LIPA: variants seen among roughly 807,000 people sequenced by gnomAD.
LIPA encodes lipase A, lysosomal acid type, also known as lysosomal acid lipase/cholesteryl ester hydrolase.
A neutral mutation model predicts 40.6 loss-of-function variants in LIPA; 26 were observed. The ratio of observed to expected loss-of-function variants is 0.64; its 90% CI spans 0.47 to 0.89. LIPA has a LOEUF of 0.89. Ranked by LOEUF, LIPA falls within the 40% of genes least tolerant of loss-of-function variation. The probability of loss-of-function intolerance (pLI) is 0.00; values close to 1 mark genes in which losing one functional copy is unlikely to be tolerated. For synonymous variants in LIPA, 188 were observed against 168.4 expected, an observed-to-expected ratio of 1.12 and a Z score of -0.90; for missense variants, 455 against 479.6, an observed-to-expected ratio of 0.95 and a Z score of 0.48.
intron 8 of LIPA, among the ~76,000 whole-genome samples, chr10:89,216,456 A>T (rs1297245606): frequency 6.6e-6 from 1 of 151,154 alleles, no homozygotes; most frequent in African/African-American, 2.4e-5. Flanking sequence ...ATGGATATAT[A>T]TAGATAAAAT....
At chr10:89,328,868 C>T (rs978858250) in intron 1 of LIPA, among the ~76,000 whole-genome samples, 1 of 152,046 alleles carries the variant, frequency 6.6e-6, no homozygotes, top group Non-Finnish European at 1.5e-5. Context: ...TAGGAAGGCT[C>T]CCAAAAGAAT....
At position 89,247,764 on chromosome 10, in the gene LIPA, G is replaced by A. The variant is rs531559903; in HGVS notation, c.-1-115C>T. On this transcript the variant is annotated intron_variant, in intron 1 of 9. Transcript: ENST00000336233. ...ACCAGATTTAGGGCAAGTAAAAGGT[G>A]AAAGGAAAATATGAAACAAATGACT... The A allele has an allele frequency of 1.3e-3, 921 of 719,856 alleles. 19 individuals are homozygous for A. In the South Asian group the frequency reaches 0.014, roughly 11 times the overall value. 44.6% of individuals were successfully genotyped at this position (719,856 alleles called of 1,614,324 possible).
At chr10:89,290,785 C>T (rs1383691220) in intron 1 of LIPA, among the ~76,000 whole-genome samples, 1 of 152,232 alleles carries the variant, frequency 6.6e-6, no homozygotes. Context: ...CCGGCCCTAT[C>T]TCCCTTCACT....
chr10:89,364,175 C>T (rs1445672306), intron 2 of LIPA, among the ~76,000 whole-genome samples: 1 of 152,202 alleles, frequency 6.6e-6, no homozygotes, highest in Non-Finnish European at 1.5e-5. Flanking sequence ...TAATGAACAC[C>T]TATCCACGTG....
At chr10:89,348,216 A>T (rs72814792) in intron 2 of LIPA, among the ~76,000 whole-genome samples, 3 of 152,222 alleles carry the variant, frequency 2.0e-5, no homozygotes, top group Non-Finnish European at 2.9e-5. Flanking sequence ...TCCGTCAGAC[A>T]GAAGGGAAAT....
chr10:89,296,134 A>G (rs886741128), intron 1 of LIPA, among the ~76,000 whole-genome samples: 1 of 152,178 alleles, frequency 6.6e-6, no homozygotes, highest in African/African-American at 2.4e-5. Context: ...CAGCATTTCC[A>G]CTTTCCTATT....
chr10:89,228,248 C>T lies in LIPA; in HGVS notation c.380G>A (p.Arg127Gln), dbSNP rs544080483. ...AGAAACTGAGAGTGTCTTATGTTTC[C>T]GAGACCAGGTATTTCCTCTGCTGTT... ...MGNSRGNTWSRKHKTLSVSQD... is the reference protein window; with the variant it reads ...MGNSRGNTWSQKHKTLSVSQD... The change falls in exon 4 of 10, where the codon CGG becomes CAG. Residue 127 changes from arginine to glutamine, a missense_variant. Coordinates refer to ENST00000336233, the MANE Select transcript of LIPA (RefSeq NM_000235.4). 8.1e-5 allele frequency: 131 copies of T among 1,614,144 alleles called. No individual in the cohort carries two copies. The highest frequency in any genetic ancestry group is 6.3e-4 in the Admixed American group (38 of 60,024).
intron 3 of LIPA, among the ~76,000 whole-genome samples, chr10:89,242,645 A>T (rs1441464724): frequency 6.6e-6 from 1 of 152,222 alleles, no homozygotes; most frequent in Admixed American, 6.5e-5. Flanking sequence ...TCAGCTGTAG[A>T]CTCAGGTTCC....
intron 2 of LIPA, chr10:89,412,676 C>G (rs186009436): frequency 5.8e-5 from 23 of 398,604 alleles, no homozygotes; most frequent in African/African-American, 4.5e-4. Flanking sequence ...GTCAGTGAAA[C>G]CACGAACCCA....
chr10:89,317,251 G>A (rs112769031), intron 1 of LIPA, among the ~76,000 whole-genome samples: 2 of 152,112 alleles, frequency 1.3e-5, no homozygotes, highest in African/African-American at 2.4e-5. Context: ...GCAGACAATC[G>A]GTAATAACAA....
At chr10:89,308,351 T>C (rs1843496441) in intron 1 of LIPA, 1 of 152,112 alleles carries the variant, frequency 6.6e-6, no homozygotes, top group African/African-American at 2.4e-5. Context: ...GACTGAACTC[T>C]GTTCAAATGC....
chr10:89,318,830 A>C (rs936424087), intron 1 of LIPA, among the ~76,000 whole-genome samples: 1 of 152,216 alleles, frequency 6.6e-6, no homozygotes, highest in Non-Finnish European at 1.5e-5. Context: ...ACTCCTCAGC[A>C]AATGTAAAAG....
chr10:89,394,948 A>G (rs939589722), intron 2 of LIPA, among the ~76,000 whole-genome samples: 1 of 152,086 alleles, frequency 6.6e-6, no homozygotes, highest in African/African-American at 2.4e-5. Flanking sequence ...CTATGTGGTT[A>G]TATTGAATTT....
chr10:89,368,156 G>T (rs1844072250), intron 2 of LIPA, among the ~76,000 whole-genome samples: 1 of 152,180 alleles, frequency 6.6e-6, no homozygotes, highest in Non-Finnish European at 1.5e-5. Flanking sequence ...GGCTGCATAT[G>T]AGTGCTTTCT....
chr10:89,356,502 C>T (rs2133589518), intron 2 of LIPA, among the ~76,000 whole-genome samples: 1 of 152,254 alleles, frequency 6.6e-6, no homozygotes, highest in East Asian at 1.9e-4. Context: ...GTCAGATCAA[C>T]AGAGGCATTA....
At chr10:89,222,455 A>G in intron 8 of LIPA, 56 bp downstream of exon 8, 1 of 1,079,720 alleles carries the variant, frequency 9.3e-7, no homozygotes, top group Non-Finnish European at 1.4e-6. Context: ...TTGCATGCCC[A>G]GACCTTTCTG....
At position 89,398,384 on chromosome 10, in the gene LIPA, G is replaced by A. The variant is rs572390249; in HGVS notation, c.61+14407C>T. On this transcript the variant is annotated intron_variant, in intron 2 of 8. Transcript: ENST00000371837. ...CAGGTTGTGTTGGCTCCAGGTTTTC[G>A]GCATTGTGCCTGCACTGAATAAAAG... Among the ~76,000 whole-genome samples the A allele has an allele frequency of 9.2e-5, 14 of 152,238 alleles. No homozygotes were observed. The East Asian group carries it at 1.9e-3, about 21-fold the overall frequency.
intron 2 of LIPA, among the ~76,000 whole-genome samples, chr10:89,361,677 T>C (rs910742889): frequency 6.6e-6 from 1 of 152,076 alleles, no homozygotes; most frequent in Non-Finnish European, 1.5e-5. Context: ...ACAAAATGCA[T>C]TTGCTGATAT....
chr10:89,337,794 A>T (rs7901862), intron 1 of LIPA, among the ~76,000 whole-genome samples: 9,426 of 152,280 alleles, frequency 0.062, 701 homozygotes, highest in African/African-American at 0.18. Context: ...ATATCTGCTT[A>T]CACGGTGTAA....
Sources: allele counts gnomAD v4.1 joint callset (sites outside exome capture counted in the v4.1 genomes callset), GRCh38; gene constraint gnomAD v4.1.1; transcripts MANE v1.5; gene names NCBI Gene and HGNC (gene_info 2026-07-23, HGNC 2026-07-21).